SERINC5: variants seen among roughly 807,000 people sequenced by gnomAD.
The protein encoded by SERINC5 is chromosome 5 open reading frame 12.
Under a neutral mutation model 63.1 loss-of-function variants are expected in SERINC5, and 41 were observed. The observed-to-expected ratio is 0.65, with a 90% CI of 0.51 to 0.84. SERINC5 has a LOEUF of 0.84. SERINC5 is among the 40% of genes least tolerant of loss of function. SERINC5 has a pLI of 0.00. For synonymous variants in SERINC5, 222 were observed against 215.2 expected, an observed-to-expected ratio of 1.03 and a Z score of -0.28; for missense variants, 523 against 573.0, an observed-to-expected ratio of 0.91 and a Z score of 0.89.
At chr5:80,242,150 A>G (rs1751968037) in intron 1 of SERINC5, among the ~76,000 whole-genome samples, 1 of 152,152 alleles carries the variant, frequency 6.6e-6, no homozygotes, top group East Asian at 1.9e-4. Flanking sequence ...CAAAACAAAA[A>G]AAGTGAAACA....
At chr5:80,212,222 C>G (rs1279297122) in intron 1 of SERINC5, among the ~76,000 whole-genome samples, 1 of 152,152 alleles carries the variant, frequency 6.6e-6, no homozygotes, top group Admixed American at 6.6e-5. Flanking sequence ...GGATGGGGCA[C>G]AGTGGGGAAG....
chr5:80,126,148 A>G (rs1744740179), intron 11 of SERINC5, among the ~76,000 whole-genome samples: 1 of 152,204 alleles, frequency 6.6e-6, no homozygotes, highest in African/African-American at 2.4e-5. Context: ...GAGAAGGAGG[A>G]ACCGAAAATC....
At chr5:80,224,015 CCTAGCTA>C (rs1358606238) in intron 1 of SERINC5, among the ~76,000 whole-genome samples, 1 of 151,052 alleles carries the variant, frequency 6.6e-6, no homozygotes, top group Non-Finnish European at 1.5e-5. Flanking sequence ...CGCCTGTAAT[CCTAGCTA>C]CTTGGGAGGC....
At chr5:80,113,843 T>C (rs1449034892) in intron 11 of SERINC5, among the ~76,000 whole-genome samples, 2 of 151,908 alleles carry the variant, frequency 1.3e-5, no homozygotes, top group African/African-American at 4.9e-5. Context: ...ACAGCCAAAC[T>C]ATATCATGCA....
At chr5:80,251,437 T>TA (rs1321734800) in intron 1 of SERINC5, among the ~76,000 whole-genome samples, 1 of 152,126 alleles carries the variant, frequency 6.6e-6, no homozygotes. Flanking sequence ...GCTATAAAGA[T>TA]AGAGTGAATA....
At chr5:80,230,286 C>A (rs1751377751) in intron 1 of SERINC5, among the ~76,000 whole-genome samples, 1 of 151,974 alleles carries the variant, frequency 6.6e-6, no homozygotes, top group Admixed American at 6.6e-5. Context: ...GCCTGGCCAA[C>A]ATGGTGAAAC....
chr5:80,200,842 C>T (rs1749793095), intron 2 of SERINC5, among the ~76,000 whole-genome samples: 1 of 151,980 alleles, frequency 6.6e-6, no homozygotes, highest in South Asian at 2.1e-4. Context: ...GCATGTAATC[C>T]CAGCACTTTG....
chr5:80,216,596 A>T (rs911569446), intron 1 of SERINC5, among the ~76,000 whole-genome samples: 17 of 152,232 alleles, frequency 1.1e-4, no homozygotes, highest in African/African-American at 3.9e-4. Flanking sequence ...TGAAAAGGTG[A>T]GTTAAGTAAG....
At chr5:80,237,495 ATCTAATGTTTGTAT>A (rs1751749938) in intron 1 of SERINC5, among the ~76,000 whole-genome samples, 1 of 151,658 alleles carries the variant, frequency 6.6e-6, no homozygotes, top group Non-Finnish European at 1.5e-5. Context: ...CACCACGCCC[ATCTAATGTTTGTAT>A]TTTTTTGTAG....
intron 1 of SERINC5, among the ~76,000 whole-genome samples, chr5:80,205,825 T>C (rs542760671): frequency 1.3e-5 from 2 of 152,114 alleles, no homozygotes; most frequent in African/African-American, 2.4e-5. Context: ...CCCAGCACTT[T>C]AGGAGGCCAA....
chr5:80,188,526 T>C (rs542581257), intron 2 of SERINC5, among the ~76,000 whole-genome samples: 1 of 152,076 alleles, frequency 6.6e-6, no homozygotes, highest in African/African-American at 2.4e-5. Context: ...TTATTCTACA[T>C]TCATTATGTC....
intron 11 of SERINC5, among the ~76,000 whole-genome samples, chr5:80,128,194 T>C (rs1460221046): frequency 1.3e-5 from 2 of 152,246 alleles, no homozygotes; most frequent in Non-Finnish European, 2.9e-5. Context: ...AAAGTATGTT[T>C]GTTTTCTGGC....
intron 7 of SERINC5, among the ~76,000 whole-genome samples, chr5:80,164,919 T>G (rs1033495418): frequency 1.4e-5 from 2 of 138,174 alleles, no homozygotes; most frequent in Admixed American, 7.2e-5. Flanking sequence ...TGTTTTTTTT[T>G]TTTTTTTTTT....
At chr5:80,189,461 G>A (rs1749046235) in intron 2 of SERINC5, among the ~76,000 whole-genome samples, 1 of 152,192 alleles carries the variant, frequency 6.6e-6, no homozygotes, top group African/African-American at 2.4e-5. Flanking sequence ...CCACAGCTAC[G>A]GAGGTCTGAA....
At chr5:80,229,746 G>A (rs1002236474) in intron 1 of SERINC5, among the ~76,000 whole-genome samples, 1 of 152,138 alleles carries the variant, frequency 6.6e-6, no homozygotes, top group African/African-American at 2.4e-5. Context: ...CATGTGCCTG[G>A]TCCGTAAGTG....
At chr5:80,116,256 G>A in intron 11 of SERINC5, 1 of 455,344 alleles carries the variant, frequency 2.2e-6, no homozygotes, top group African/African-American at 2.0e-5. Flanking sequence ...TGGGGCCAGA[G>A]ATGTTTCCAT....
chr5:80,146,507 C>T (rs1430991583), intron 10 of SERINC5, among the ~76,000 whole-genome samples: 1 of 152,182 alleles, frequency 6.6e-6, no homozygotes, highest in African/African-American at 2.4e-5. Context: ...GGCTGGAGTA[C>T]AGTGGCATGA....
At chr5:80,255,255 A>G (rs1752600626) in intron 1 of SERINC5, 1 of 152,398 alleles carries the variant, frequency 6.6e-6, no homozygotes, top group African/African-American at 2.4e-5. Flanking sequence ...TTGCAAAGAG[A>G]GGCAGGAAGG....
intron 11 of SERINC5, among the ~76,000 whole-genome samples, chr5:80,118,686 T>A (rs900086562): frequency 6.6e-6 from 1 of 150,610 alleles, no homozygotes; most frequent in Non-Finnish European, 1.5e-5. Context: ...TAGCTGGGAC[T>A]ACAGGCGCAT....
Sources: allele counts gnomAD v4.1 joint callset (sites outside exome capture counted in the v4.1 genomes callset), GRCh38; gene constraint gnomAD v4.1.1; transcripts MANE v1.5; gene names NCBI Gene and HGNC (gene_info 2026-07-23, HGNC 2026-07-21).